The following DCBLD2 variants were observed in gnomAD, a reference collection of about 807,000 sequenced individuals.
DCBLD2 encodes the protein discoidin, CUB and LCCL domain containing 2.
A neutral mutation model predicts 86.8 loss-of-function variants in DCBLD2; 54 were observed. That is an observed-to-expected ratio of 0.62 (90% confidence interval 0.50 to 0.78). The LOEUF (loss-of-function observed/expected upper bound fraction) is 0.78. Ranked by LOEUF, DCBLD2 falls within the 30% of genes least tolerant of loss-of-function variation. The pLI, the probability that DCBLD2 is intolerant of heterozygous loss-of-function variation, is 0.00. For missense variants in DCBLD2, 908 were observed against 954.2 expected, an observed-to-expected ratio of 0.95 and a Z score of 0.64; for synonymous variants, 354 against 341.3, an observed-to-expected ratio of 1.04 and a Z score of -0.41.
rs1021790043 is a variant in DCBLD2 at position 98,807,806 on chromosome 3, T to A, written c.1670+275A>T. Reference sequence around the variant, plus strand: ...GAGAAAGGAATTGTGTCTCATTCTTTAAGTAAATGTAACTATCATGTGTCA... The same window carrying A: ...GAGAAAGGAATTGTGTCTCATTCTTAAAGTAAATGTAACTATCATGTGTCA... On this transcript the variant is annotated intron_variant, in intron 13 of 15. Coordinates refer to ENST00000326840, the MANE Select transcript of DCBLD2 (RefSeq NM_080927.4). 2.5e-5 allele frequency: 5 copies of A among 202,050 alleles called. No homozygotes were observed. In the South Asian group the frequency reaches 8.2e-4, roughly 33 times the overall value. 12.5% of individuals were successfully genotyped at this position (202,050 alleles called of 1,614,324 possible). A position where few individuals can be genotyped will look rare whatever the true frequency, so the allele number is the denominator to read the frequency against.
At chr3:98,868,962 T>A (rs1161678721) in intron 2 of DCBLD2, among the ~76,000 whole-genome samples, 1 of 152,204 alleles carries the variant, frequency 6.6e-6, no homozygotes, top group Non-Finnish European at 1.5e-5. Flanking sequence ...TATAATGACA[T>A]ATTTTCCTTT....
intron 6 of DCBLD2, chr3:98,820,870 A>G (rs1393472905): frequency 1.3e-5 from 2 of 150,522 alleles, no homozygotes; most frequent in Admixed American, 6.6e-5. Context: ...AGAGGATGCA[A>G]TTTATCCCTG....
intron 3 of DCBLD2, among the ~76,000 whole-genome samples, chr3:98,833,540 A>G (rs1942363912): frequency 6.6e-6 from 1 of 152,150 alleles, no homozygotes; most frequent in African/African-American, 2.4e-5. Flanking sequence ...TTCTTGTGTT[A>G]GTTCTTTCTC....
At chr3:98,852,028 A>ACT (rs766151308) in intron 2 of DCBLD2, among the ~76,000 whole-genome samples, 14 of 152,242 alleles carry the variant, frequency 9.2e-5, no homozygotes, top group Non-Finnish European at 1.6e-4. Flanking sequence ...ATGGGCCAAG[A>ACT]CTGCATGACT....
chr3:98,817,934 G>T, intron 8 of DCBLD2, 41 bp from the exon 9 acceptor site: 1 of 1,603,000 alleles, frequency 6.2e-7, no homozygotes, highest in South Asian at 1.1e-5. Flanking sequence ...CACATGGTCT[G>T]ATTCCCTAAG....
chr3:98,901,552 G>T lies in DCBLD2; in HGVS notation c.-226C>A. On this transcript the variant is annotated 5_prime_UTR_variant, in exon 1 of 16. Transcript: ENST00000326840. ...CGAGACCCCAGGCCGGAGCGCAGGG[G>T]AGGGGAGGGAAGGAAGCGGAGTCCT... 1 of 368,292 alleles carries T rather than the reference G, an allele frequency of 2.7e-6. No individual in the cohort carries two copies. 22.8% of individuals were successfully genotyped at this position (368,292 alleles called of 1,614,324 possible).
chr3:98,886,881 A>AATTATTGC (rs1307178916), intron 1 of DCBLD2, among the ~76,000 whole-genome samples: 1 of 149,192 alleles, frequency 6.7e-6, no homozygotes, highest in Admixed American at 6.8e-5. Flanking sequence ...AATGATAATG[A>AATTATTGC]ATTATTGCAA....
At chr3:98,882,090 T>C (rs1005123924) in intron 1 of DCBLD2, among the ~76,000 whole-genome samples, 1 of 152,206 alleles carries the variant, frequency 6.6e-6, no homozygotes, top group Non-Finnish European at 1.5e-5. Context: ...CCTATCTAGC[T>C]GTAACTTTGT....
chr3:98,881,476 T>A (rs1432003691), intron 2 of DCBLD2, 64 bp downstream of exon 2: 1 of 1,416,298 alleles, frequency 7.1e-7, no homozygotes, highest in Non-Finnish European at 9.9e-7. Flanking sequence ...AATGTTAATA[T>A]CAAAAAAATA....
chr3:98,856,338 T>C (rs183201974), intron 2 of DCBLD2, among the ~76,000 whole-genome samples: 2 of 151,632 alleles, frequency 1.3e-5, no homozygotes, highest in East Asian at 3.9e-4. Context: ...ACAACAAATA[T>C]ATATGCAATC....
At chr3:98,839,939 A>C (rs1047745937) in intron 3 of DCBLD2, among the ~76,000 whole-genome samples, 17 of 152,184 alleles carry the variant, frequency 1.1e-4, no homozygotes, top group African/African-American at 4.1e-4. Flanking sequence ...GTGAGGTGTT[A>C]GGTATTTGAA....
chr3:98,881,826 T>A, intron 1 of DCBLD2, 59 bp from the exon 2 acceptor site: 1 of 1,509,220 alleles, frequency 6.6e-7, no homozygotes, highest in Non-Finnish European at 9.0e-7. Flanking sequence ...TCCTCTATAA[T>A]GATTTTTTTG....
chr3:98,870,038 G>C (rs570840054), intron 2 of DCBLD2, among the ~76,000 whole-genome samples: 1 of 152,212 alleles, frequency 6.6e-6, no homozygotes, highest in African/African-American at 2.4e-5. Context: ...TGATGCAGCC[G>C]CAAGTGCCAC....
At chr3:98,839,179 T>TTC (rs1559781597) in intron 3 of DCBLD2, among the ~76,000 whole-genome samples, 9,350 of 113,138 alleles carry the variant, frequency 0.083, 442 homozygotes, top group South Asian at 0.14. Context: ...TTCCTTTCTT[T>TTC]CTTCCTTCCT....
intron 3 of DCBLD2, among the ~76,000 whole-genome samples, chr3:98,831,940 T>C (rs1230819320): frequency 6.6e-6 from 1 of 152,182 alleles, no homozygotes; most frequent in East Asian, 1.9e-4. Context: ...GACAGTTCTG[T>C]AGAGGTCTAT....
intron 2 of DCBLD2, among the ~76,000 whole-genome samples, chr3:98,873,112 G>T (rs1009050152): frequency 1.3e-5 from 2 of 152,126 alleles, no homozygotes; most frequent in South Asian, 4.1e-4. Context: ...AAACTAAAAA[G>T]TAATATATGA....
chr3:98,870,736 A>AAAAAAGAAAGAAAGAAAG (rs1943251368), intron 2 of DCBLD2, among the ~76,000 whole-genome samples: 1 of 84,614 alleles, frequency 1.2e-5, no homozygotes, highest in Non-Finnish European at 2.4e-5. Context: ...GAAAAGAAAG[A>AAAAAAGAAAGAAAGAAAG]AAAAGAAAGA....
intron 12 of DCBLD2, among the ~76,000 whole-genome samples, chr3:98,808,898 G>C (rs192214354): frequency 9.9e-5 from 15 of 152,260 alleles, no homozygotes; most frequent in Admixed American, 9.8e-4. Context: ...TTCTGCGTAA[G>C]AGTGAAAAAT....
At chr3:98,825,639 G>GTGTATATATA (rs1942201575) in intron 3 of DCBLD2, among the ~76,000 whole-genome samples, 1 of 59,426 alleles carries the variant, frequency 1.7e-5, no homozygotes, top group Non-Finnish European at 3.4e-5. Context: ...ATGTATATGT[G>GTGTATATATA]TATTTATATA....
Sources: gnomAD v4.1 joint callset for allele counts (sites outside exome capture counted in the v4.1 genomes callset) on GRCh38, gnomAD v4.1.1 for gene constraint, MANE v1.5 for transcripts, NCBI Gene and HGNC (gene_info 2026-07-23, HGNC 2026-07-21) for gene names.